The following RASSF8 variants were observed in gnomAD, a reference collection of about 807,000 sequenced individuals.
The protein encoded by RASSF8 is Ras association domain family member 8, also known as ras association domain-containing protein 8.
A neutral mutation model predicts 48.5 loss-of-function variants in RASSF8; 22 were observed. The observed-to-expected ratio is 0.45, with a 90% CI of 0.32 to 0.65. The LOEUF (loss-of-function observed/expected upper bound fraction) is 0.65. Ranked by LOEUF, RASSF8 falls within the 30% of genes least tolerant of loss-of-function variation. The pLI, the probability that RASSF8 is intolerant of heterozygous loss-of-function variation, is 0.03. For missense variants in RASSF8, 418 were observed against 489.2 expected (o/e 0.85, Z 1.37); for synonymous variants, 127 against 171.5 (o/e 0.74, Z 2.03).
At chr12:25,972,846 A>G (rs1259463465) in intron 1 of RASSF8, among the ~76,000 whole-genome samples, 3 of 152,248 alleles carry the variant, frequency 2.0e-5, no homozygotes, top group Non-Finnish European at 4.4e-5. Flanking sequence ...GATCGAGAAT[A>G]CAGCATTATC....
In RASSF8 at chr12:26,071,116, G is replaced by A; in HGVS notation, c.*2298G>A. On this transcript the variant is annotated 3_prime_UTR_variant, in exon 6 of 6. Transcript: ENST00000689635. ...GTGAATATGTTGAATACATTGAGAA[G>A]CTGTACTTTTTAATTAGTTATATTA... 2 of 973,448 alleles carry A rather than the reference G, an allele frequency of 2.1e-6. No homozygotes were observed. Among genetic ancestry groups the A allele is most frequent in the Non-Finnish European group, 2.4e-6 (2 of 819,126 alleles). 60.3% of individuals were successfully genotyped at this position (973,448 alleles called of 1,614,324 possible).
intron 2 of RASSF8, among the ~76,000 whole-genome samples, chr12:26,001,993 A>G (rs548387314): frequency 1.3e-5 from 2 of 152,354 alleles, no homozygotes; most frequent in Admixed American, 6.5e-5. Context: ...TTGTGCTACA[A>G]TGCTATGATG....
chr12:26,024,198 G>A (rs528835661), intron 2 of RASSF8, among the ~76,000 whole-genome samples: 16 of 152,154 alleles, frequency 1.1e-4, no homozygotes, highest in African/African-American at 3.9e-4. Context: ...ATGAGGTCTT[G>A]CTCTGTTGCC....
At chr12:26,063,499 C>G (rs527528066) in intron 3 of RASSF8, among the ~76,000 whole-genome samples, 1 of 152,046 alleles carries the variant, frequency 6.6e-6, no homozygotes, top group East Asian at 1.9e-4. Context: ...CAGGATCAGG[C>G]GATTCTCCTA....
chr12:26,039,126 C>T (rs772548992), intron 2 of RASSF8, among the ~76,000 whole-genome samples: 1 of 152,142 alleles, frequency 6.6e-6, no homozygotes, highest in Non-Finnish European at 1.5e-5. Flanking sequence ...GGATCCTACT[C>T]CTATGAAATT....
chr12:26,018,904 CT>C (rs759278139), intron 2 of RASSF8, among the ~76,000 whole-genome samples: 5 of 152,224 alleles, frequency 3.3e-5, no homozygotes, highest in Admixed American at 1.3e-4. Context: ...GGACTAAATT[CT>C]GGTAAATCTG....
intron 1 of RASSF8, among the ~76,000 whole-genome samples, chr12:25,989,259 T>G (rs1208324629): frequency 6.6e-6 from 1 of 152,220 alleles, no homozygotes; most frequent in African/African-American, 2.4e-5. Context: ...GCTTCCTTGA[T>G]GTAAACCTTT....
chr12:26,050,634 G>T (rs1234590665), intron 2 of RASSF8, among the ~76,000 whole-genome samples: 2 of 152,134 alleles, frequency 1.3e-5, no homozygotes, highest in South Asian at 2.1e-4. Context: ...TAAAGAAAAT[G>T]CAGAAAATCT....
At chr12:25,987,165 C>T (rs967796853) in intron 1 of RASSF8, among the ~76,000 whole-genome samples, 6 of 152,158 alleles carry the variant, frequency 3.9e-5, no homozygotes, top group African/African-American at 1.4e-4. Context: ...AACTCCCAAC[C>T]TCAGGTGATC....
chr12:26,075,522 G>A (rs1181949033), downstream of RASSF8, among the ~76,000 whole-genome samples: 1 of 152,110 alleles, frequency 6.6e-6, no homozygotes, highest in Non-Finnish European at 1.5e-5. Context: ...TGTTTTCCCA[G>A]CGTTATACTT....
At chr12:26,059,282 G>A (rs1943687332) in intron 3 of RASSF8, among the ~76,000 whole-genome samples, 1 of 152,168 alleles carries the variant, frequency 6.6e-6, no homozygotes, top group Non-Finnish European at 1.5e-5. Context: ...TTGAGGAAAA[G>A]GATTTCTGAT....
At chr12:25,965,231 G>A (rs981990506) in intron 1 of RASSF8, among the ~76,000 whole-genome samples, 5 of 151,804 alleles carry the variant, frequency 3.3e-5, no homozygotes, top group Non-Finnish European at 5.9e-5. Flanking sequence ...ATGAGCCACC[G>A]TGCCCAGCCT....
chr12:25,961,196 G>A (rs1398612560), intron 1 of RASSF8, among the ~76,000 whole-genome samples: 1 of 152,104 alleles, frequency 6.6e-6, no homozygotes, highest in Non-Finnish European at 1.5e-5. Context: ...TGTATATAAT[G>A]ACTTGGAAGT....
intron 1 of RASSF8, among the ~76,000 whole-genome samples, chr12:25,973,046 T>A (rs553877691): frequency 1.8e-4 from 27 of 152,266 alleles, no homozygotes; most frequent in African/African-American, 5.5e-4. Flanking sequence ...TATGGATGAC[T>A]TTTTTTGTTT....
chr12:26,035,942 T>G (rs1355202744), intron 2 of RASSF8, among the ~76,000 whole-genome samples: 3 of 146,558 alleles, frequency 2.0e-5, no homozygotes, highest in Non-Finnish European at 4.5e-5. Flanking sequence ...ATATTTCATA[T>G]ATTTTTATAT....
At chr12:26,012,770 T>A (rs1942559970) in intron 2 of RASSF8, among the ~76,000 whole-genome samples, 1 of 150,274 alleles carries the variant, frequency 6.7e-6, no homozygotes, top group African/African-American at 2.5e-5. Context: ...AGCCTTGAAC[T>A]CCTGGGCTCC....
intron 1 of RASSF8, chr12:25,959,910 A>G (rs1282312783): frequency 1.3e-5 from 2 of 152,208 alleles, no homozygotes; most frequent in Non-Finnish European, 2.9e-5. Context: ...TGAACAGTGC[A>G]ACGTAGGATA....
intron 2 of RASSF8, among the ~76,000 whole-genome samples, chr12:25,999,561 C>CA (rs1017644976): frequency 6.6e-6 from 1 of 151,848 alleles, no homozygotes; most frequent in Non-Finnish European, 1.5e-5. Flanking sequence ...CCTGTCTCTA[C>CA]AAAAAAAATT....
At chr12:26,004,716 AGAG>A (rs35971941) in intron 2 of RASSF8, among the ~76,000 whole-genome samples, 1 of 152,050 alleles carries the variant, frequency 6.6e-6, no homozygotes, top group African/African-American at 2.4e-5. Context: ...AGGCTGAGGA[AGAG>A]GAGGAGGAGG....
Sources: allele counts gnomAD v4.1 joint callset (sites outside exome capture counted in the v4.1 genomes callset), GRCh38; gene constraint gnomAD v4.1.1; transcripts MANE v1.5; gene names NCBI Gene and HGNC (gene_info 2026-07-23, HGNC 2026-07-21).